The following PTPRD variants were observed in gnomAD, a reference collection of about 807,000 sequenced individuals.
PTPRD encodes the protein receptor-type tyrosine-protein phosphatase delta.
A neutral mutation model predicts 214.5 loss-of-function variants in PTPRD; 34 were observed. The observed-to-expected ratio is 0.16, with a 90% CI of 0.12 to 0.21. The LOEUF (loss-of-function observed/expected upper bound fraction) is 0.21. Among genes scored for constraint, PTPRD ranks in the 10% least tolerant of loss-of-function variants. The pLI is 1.00. For synonymous variants in PTPRD, 1,128 were observed against 845.7 expected, an observed-to-expected ratio of 1.33 and a Z score of -5.79; for missense variants, 2,545 against 2,398.7, an observed-to-expected ratio of 1.06 and a Z score of -1.27.
intron 9 of PTPRD, among the ~76,000 whole-genome samples, chr9:9,283,679 A>G (rs2133729290): frequency 6.6e-6 from 1 of 151,636 alleles, no homozygotes; most frequent in African/African-American, 2.4e-5. Flanking sequence ...AACAAAAAAA[A>G]GTTGACTGGG....
intron 10 of PTPRD, among the ~76,000 whole-genome samples, chr9:9,161,469 T>C (rs765752437): frequency 9.9e-5 from 15 of 152,124 alleles, no homozygotes; most frequent in Non-Finnish European, 2.1e-4. Flanking sequence ...AGAGAAAGTG[T>C]GGTCTCATTT....
chr9:10,309,711 C>G (rs2096211366), intron 3 of PTPRD, among the ~76,000 whole-genome samples: 1 of 151,782 alleles, frequency 6.6e-6, no homozygotes, highest in Non-Finnish European at 1.5e-5. Flanking sequence ...TTTTCACAAT[C>G]AACACTATCC....
At chr9:8,342,868 AT>A (rs1853835826) in intron 39 of PTPRD, among the ~76,000 whole-genome samples, 1 of 152,164 alleles carries the variant, frequency 6.6e-6, no homozygotes, top group South Asian at 2.1e-4. Context: ...AAAAGGATGT[AT>A]TAGTTTTGTA....
chr9:10,060,889 CTTCCTTCCTTCT>C lies in PTPRD; in HGVS notation c.-544-27111_-544-27100del, dbSNP rs1382423489. ...CCTTCTTTCCTTCCTTCCTTCCTTCCTTCCTTCCTTCTTTCTTTCTTTCTTTCTTTCTTTCTT... is the reference window on the plus strand; with the variant it reads ...CCTTCTTTCCTTCCTTCCTTCCTTCCTTCTTTCTTTCTTTCTTTCTTTCTT... On this transcript the variant is annotated intron_variant, in intron 3 of 45. Coordinates refer to ENST00000381196, the MANE Select transcript of PTPRD (RefSeq NM_002839.4). Among the ~76,000 whole-genome samples, 148 of 76,364 alleles carry C rather than the reference CTTCCTTCCTTCT, an allele frequency of 1.9e-3. 2 individuals carry two copies. The highest frequency in any genetic ancestry group is 0.012 in the Middle Eastern group (2 of 162). The allele number at this position is 76,364 out of a possible 152,430, so 50.1% of individuals were successfully genotyped here.
chr9:9,091,846 C>G (rs2099776564), intron 10 of PTPRD, among the ~76,000 whole-genome samples: 1 of 152,178 alleles, frequency 6.6e-6, no homozygotes, highest in Non-Finnish European at 1.5e-5. Flanking sequence ...CTATTACCAT[C>G]ATGCTTAAAA....
intron 3 of PTPRD, among the ~76,000 whole-genome samples, chr9:10,077,545 G>T (rs1251844876): frequency 2.0e-5 from 3 of 152,082 alleles, no homozygotes; most frequent in African/African-American, 7.2e-5. Context: ...TTATTATACA[G>T]ATAAGTTGCA....
At chr9:10,078,322 C>T (rs973846468) in intron 3 of PTPRD, among the ~76,000 whole-genome samples, 1 of 146,964 alleles carries the variant, frequency 6.8e-6, no homozygotes, top group African/African-American at 2.5e-5. Context: ...ACCAGCCTAA[C>T]CAACATGGTG....
chr9:8,574,763 T>G (rs1276727919), intron 14 of PTPRD, among the ~76,000 whole-genome samples: 1 of 152,054 alleles, frequency 6.6e-6, no homozygotes, highest in Non-Finnish European at 1.5e-5. Context: ...CTATTAAAAC[T>G]CAATTAATTG....
intron 9 of PTPRD, among the ~76,000 whole-genome samples, chr9:9,363,393 T>C: frequency 6.6e-6 from 1 of 151,342 alleles, no homozygotes; most frequent in East Asian, 1.9e-4. Context: ...TACTAGGAGA[T>C]CTGAAACAAA....
intron 11 of PTPRD, among the ~76,000 whole-genome samples, chr9:8,946,379 G>C (rs10977393): frequency 0.32 from 48,405 of 151,938 alleles, 8,001 homozygotes; most frequent in Non-Finnish European, 0.36. Context: ...TTTTGTTGGA[G>C]TACTGGCTCT....
intron 11 of PTPRD, among the ~76,000 whole-genome samples, chr9:9,014,177 G>C (rs72692838): frequency 8.1e-6 from 1 of 123,240 alleles, no homozygotes; most frequent in Non-Finnish European, 1.8e-5. Context: ...CTATTACCTC[G>C]TTTTTTTTTG....
chr9:9,123,979 G>A (rs766899516), intron 10 of PTPRD, among the ~76,000 whole-genome samples: 1 of 147,826 alleles, frequency 6.8e-6, no homozygotes, highest in South Asian at 2.1e-4. Context: ...GCAGCTATTG[G>A]TTTATGTAGG....
chr9:10,258,982 CTGT>C (rs758988371), intron 3 of PTPRD, among the ~76,000 whole-genome samples: 203 of 152,042 alleles, frequency 1.3e-3, no homozygotes, highest in African/African-American at 2.5e-3. Flanking sequence ...GTATCTGTTT[CTGT>C]TGTTGTTGTT....
Position 10,579,481 on chromosome 9 carries a change from G to C in PTPRD, c.-600+32917C>G, listed in dbSNP as rs901642663. Among the ~76,000 whole-genome samples the C allele has an allele frequency of 2.6e-5, 4 of 152,266 alleles. No individual in the cohort carries two copies. The East Asian group carries it at 5.8e-4, about 22-fold the overall frequency. ...TTATGGCTGCATAGCATTTAATGTT[G>C]TATATGTACCACATTTTCTTTATCC... On this transcript the variant is annotated intron_variant, in intron 2 of 45. Transcript: ENST00000381196.
chr9:9,956,302 A>G (rs1032258023), intron 4 of PTPRD, among the ~76,000 whole-genome samples: 2 of 151,134 alleles, frequency 1.3e-5, no homozygotes, highest in East Asian at 1.9e-4. Context: ...AAAAAACTCT[A>G]CCAAATTGGT....
chr9:8,327,822 G>C (rs921434775), intron 44 of PTPRD, among the ~76,000 whole-genome samples: 4 of 152,148 alleles, frequency 2.6e-5, no homozygotes, highest in Non-Finnish European at 5.9e-5. Context: ...TTTTATCAGA[G>C]ACTAGGATTG....
At chr9:8,494,697 A>T (rs2097222089) in intron 26 of PTPRD, among the ~76,000 whole-genome samples, 2 of 152,198 alleles carry the variant, frequency 1.3e-5, no homozygotes, top group African/African-American at 4.8e-5. Flanking sequence ...AACCACACAT[A>T]TCCATTATCT....
At chr9:8,589,432 G>C (rs908730105) in intron 14 of PTPRD, among the ~76,000 whole-genome samples, 1 of 152,114 alleles carries the variant, frequency 6.6e-6, no homozygotes, top group African/African-American at 2.4e-5. Flanking sequence ...CTGACTTGTC[G>C]CTTGATTCTT....
At chr9:8,666,744 G>A (rs1340398548) in intron 12 of PTPRD, among the ~76,000 whole-genome samples, 1 of 152,146 alleles carries the variant, frequency 6.6e-6, no homozygotes, top group African/African-American at 2.4e-5. Flanking sequence ...CCAGTATAAT[G>A]AATGTCCTGT....
Sources: gnomAD v4.1 joint callset for allele counts (sites outside exome capture counted in the v4.1 genomes callset) on GRCh38, gnomAD v4.1.1 for gene constraint, MANE v1.5 for transcripts, NCBI Gene and HGNC (gene_info 2026-07-23, HGNC 2026-07-21) for gene names.